The following PIP5K1A variants were observed in gnomAD, a reference collection of about 807,000 sequenced individuals.
PIP5K1A encodes phosphatidylinositol-4-phosphate 5-kinase type 1 alpha, also known as phosphatidylinositol 4-phosphate 5-kinase type-1 alpha.
In PIP5K1A, 46 loss-of-function variants were observed where a neutral mutation model predicts 72.9. That is an observed-to-expected ratio of 0.63 (90% CI 0.50 to 0.81). The LOEUF (loss-of-function observed/expected upper bound fraction) is 0.81. PIP5K1A is among the 30% of genes least tolerant of loss of function. PIP5K1A has a pLI of 0.00. For synonymous variants in PIP5K1A, 228 were observed against 255.1 expected, an observed-to-expected ratio of 0.89 and a Z score of 1.01; for missense variants, 458 against 706.1, an observed-to-expected ratio of 0.65 and a Z score of 3.98.
upstream of PIP5K1A, among the ~76,000 whole-genome samples, chr1:151,197,180 G>A (rs2101749826): frequency 1.3e-5 from 2 of 151,896 alleles, no homozygotes; most frequent in East Asian, 3.9e-4. Context: ...GATATTCTAT[G>A]GATGTTCGGG....
chr1:151,223,994 C>G, intron 1 of PIP5K1A: 1 of 550,016 alleles, frequency 1.8e-6, no homozygotes, highest in Non-Finnish European at 3.2e-6. Context: ...TTATATTTCC[C>G]AGAGAAAATA....
chr1:151,208,108 C>T (rs892373381), intron 1 of PIP5K1A, among the ~76,000 whole-genome samples: 4 of 152,078 alleles, frequency 2.6e-5, no homozygotes, highest in Admixed American at 2.0e-4. Flanking sequence ...GATCCACCTG[C>T]CTTGGCCTCC....
In PIP5K1A at chr1:151,211,310, A is replaced by G. The variant is rs745983442; in HGVS notation, c.85+12229A>G. On this transcript the variant is annotated intron_variant, in intron 1 of 15. Transcript: ENST00000368888. The stretch of plus-strand genomic sequence containing the variant: ...GAAACCAGCCTGGGTAACATAGTGA[A>G]ACCCTGTCTCTACAAAAAATATAAA... Among the ~76,000 whole-genome samples the G allele has an allele frequency of 1.1e-4, 16 of 151,792 alleles. 2 individuals are homozygous for G. The highest frequency in any genetic ancestry group is 3.9e-4 in the African/African-American group (16 of 41,358).
chr1:151,213,241 G>A (rs1395733233), intron 1 of PIP5K1A, among the ~76,000 whole-genome samples: 1 of 152,054 alleles, frequency 6.6e-6, no homozygotes, highest in East Asian at 1.9e-4. Flanking sequence ...TGCTCCTTGT[G>A]GAGCAGGGCT....
rs771983922 is a variant in PIP5K1A at position 151,198,585 on chromosome 1, C to G, written c.-412C>G. ...GCTTGGCTACCCGGAGTGAAGCGGC[C>G]GGGTTGGGCGATTAACAGGCCGTGG... On this transcript the variant is annotated 5_prime_UTR_variant, in exon 1 of 16. Transcript: ENST00000368888. 5.0e-5 allele frequency: 10 copies of G among 199,478 alleles called. No individual in the cohort carries two copies. The highest frequency in any genetic ancestry group is 1.2e-4 in the African/African-American group (5 of 42,594). 12.4% of individuals were successfully genotyped at this position (199,478 alleles called of 1,614,324 possible). A position where few individuals can be genotyped will look rare whatever the true frequency, so the allele number is the denominator to read the frequency against.
At chr1:151,202,777 CT>C (rs376494252) in intron 1 of PIP5K1A, among the ~76,000 whole-genome samples, 2,630 of 128,700 alleles carry the variant, frequency 0.02, 60 homozygotes, top group African/African-American at 0.062. Context: ...CCAGTAAAGT[CT>C]TTTTTTTTTT....
chr1:151,222,079 C>G (rs200742927), intron 1 of PIP5K1A, among the ~76,000 whole-genome samples: 3 of 152,014 alleles, frequency 2.0e-5, no homozygotes, highest in Non-Finnish European at 4.4e-5. Flanking sequence ...ATTGTGAGAC[C>G]ATGTCTCAAA....
chr1:151,238,101 T>C (rs1156359722), intron 9 of PIP5K1A, 81 bp from the exon 10 acceptor site: 3 of 801,384 alleles, frequency 3.7e-6, no homozygotes, highest in Non-Finnish European at 4.4e-6. Context: ...GAGGCAGTTA[T>C]GTGTAGGTTT....
At chr1:151,204,825 G>A (rs1685711471) in intron 1 of PIP5K1A, among the ~76,000 whole-genome samples, 1 of 152,108 alleles carries the variant, frequency 6.6e-6, no homozygotes. Flanking sequence ...TGACACTCAA[G>A]CCCATTGTCA....
intron 1 of PIP5K1A, chr1:151,223,991 T>C: frequency 1.8e-6 from 1 of 551,728 alleles, no homozygotes; most frequent in Non-Finnish European, 3.2e-6. Flanking sequence ...AAGTTATATT[T>C]CCCAGAGAAA....
At position 151,241,608 on chromosome 1, in the gene PIP5K1A, C is replaced by T. The variant is rs1245061313; in HGVS notation, c.1364-515C>T. On this transcript the variant is annotated intron_variant, in intron 12 of 15. Coordinates refer to ENST00000368888, the MANE Select transcript of PIP5K1A (RefSeq NM_001135638.2). ...CTGAGGTCAAGAGTTCGAGACCAGC[C>T]TGACCAACATGGTGAAACCCCGTCT... 2.0e-5 allele frequency among the ~76,000 whole-genome samples: 3 copies of T among 152,138 alleles called. No homozygotes were observed. The East Asian group carries it at 5.8e-4, about 29-fold the overall frequency.
At chr1:151,213,698 C>T (rs1041803742) in intron 1 of PIP5K1A, among the ~76,000 whole-genome samples, 1 of 152,016 alleles carries the variant, frequency 6.6e-6, no homozygotes, top group African/African-American at 2.4e-5. Context: ...CTTATCTTTG[C>T]AATAGCATAA....
chr1:151,236,483 C>G, intron 8 of PIP5K1A, 75 bp from the exon 9 acceptor site: 7 of 1,191,196 alleles, frequency 5.9e-6, no homozygotes, highest in South Asian at 1.4e-5. Flanking sequence ...CTCAAAAAAA[C>G]AAAAAAATTG....
At chr1:151,217,258 G>A (rs1300175335) in intron 1 of PIP5K1A, among the ~76,000 whole-genome samples, 2 of 152,066 alleles carry the variant, frequency 1.3e-5, no homozygotes, top group African/African-American at 2.4e-5. Flanking sequence ...TAGGTGTTCT[G>A]ATTTCTTTTT....
In PIP5K1A at chr1:151,249,500, T is replaced by G. The variant is rs1000200659; in HGVS notation, c.*1635T>G. Reference sequence around the variant, plus strand: ...TACAATATAAAAGTGATATATGGTTTTAATGTAATAAACTTTAATGAGTTA... The same window carrying G: ...TACAATATAAAAGTGATATATGGTTGTAATGTAATAAACTTTAATGAGTTA... On this transcript the variant is annotated 3_prime_UTR_variant, in exon 16 of 16. Coordinates refer to ENST00000368888, the MANE Select transcript of PIP5K1A (RefSeq NM_001135638.2). 1 of 152,146 alleles carries G rather than the reference T, an allele frequency of 6.6e-6. No homozygotes were observed. Among genetic ancestry groups the G allele is most frequent in the Non-Finnish European group, 1.5e-5 (1 of 68,032 alleles). The allele number at this position is 152,146 out of a possible 1,614,324, so 9.4% of individuals were successfully genotyped here.
intron 1 of PIP5K1A, 85 bp downstream of exon 1, chr1:151,199,166 G>A: frequency 4.4e-6 from 7 of 1,604,676 alleles, no homozygotes; most frequent in Non-Finnish European, 5.1e-6. Flanking sequence ...ACCTGTAGCT[G>A]GGAATGTCCT....
chr1:151,224,440 G>C, intron 3 of PIP5K1A, 34 bp downstream of exon 3: 5 of 1,436,224 alleles, frequency 3.5e-6, no homozygotes, highest in Non-Finnish European at 4.9e-6. Context: ...ATCTTTTATT[G>C]TAGTTTATTT....
intron 1 of PIP5K1A, among the ~76,000 whole-genome samples, chr1:151,200,818 A>ATTTATTTG (rs1183263721): frequency 1.6e-5 from 1 of 63,924 alleles, no homozygotes; most frequent in African/African-American, 3.2e-5. Flanking sequence ...CAGGGTATTT[A>ATTTATTTG]TTTATTTATT....
chr1:151,196,364 G>A (rs912002118), upstream of PIP5K1A, among the ~76,000 whole-genome samples: 1 of 152,006 alleles, frequency 6.6e-6, no homozygotes, highest in Non-Finnish European at 1.5e-5. Context: ...TGAGTGGAGG[G>A]TATAGGTACA....
Sources: allele counts gnomAD v4.1 joint callset (sites outside exome capture counted in the v4.1 genomes callset), GRCh38; gene constraint gnomAD v4.1.1; transcripts MANE v1.5; gene names NCBI Gene and HGNC (gene_info 2026-07-23, HGNC 2026-07-21).